DNAH8: variants seen among roughly 807,000 people sequenced by gnomAD.
The protein encoded by DNAH8 is dynein axonemal heavy chain 8, also known as axonemal beta dynein heavy chain 8.
Under a neutral mutation model 562.1 loss-of-function variants are expected in DNAH8, and 382 were observed. The ratio of observed to expected loss-of-function variants is 0.68; its 90% CI spans 0.63 to 0.74. DNAH8 has a LOEUF of 0.74. Among genes scored for constraint, DNAH8 ranks in the 30% least tolerant of loss-of-function variants. DNAH8 has a pLI of 0.00. For synonymous variants in DNAH8, 1,881 were observed against 1,919.4 expected (o/e 0.98, Z 0.52); for missense variants, 5,203 against 5,620.4 (o/e 0.93, Z 2.37).
rs751941460 is a variant in DNAH8, at chr6:38,923,119, A to G, written c.10724A>G (p.Asp3575Gly). 1.9e-6 allele frequency: 3 copies of G among 1,613,804 alleles called. No individual in the cohort carries two copies. Among genetic ancestry groups the G allele is most frequent in the Non-Finnish European group, 1.7e-6 (2 of 1,179,812 alleles). Residue 3575 changes from aspartate to glycine, a missense_variant, in exon 72 of 93, where the codon GAT (aspartate) becomes GGT (glycine). By Grantham distance (94) the Asp-to-Gly change is moderately conservative. This residue lies in a region of DNAH8 where 1,399 missense variants were observed against 1,518.4 expected (regional missense o/e 0.92). Transcript: ENST00000327475. Reference protein sequence around the residue: ...KKMQAASTLIDGLSGEKIRWT... With the variant: ...KKMQAASTLIGGLSGEKIRWT... ...ATGCAGGCCGCCTCCACTCTCATCGATGGGCTGAGTGGAGAAAAAATCCGG... is the reference window on the plus strand; with the variant it reads ...ATGCAGGCCGCCTCCACTCTCATCGGTGGGCTGAGTGGAGAAAAAATCCGG...
chr6:38,938,443 A>T (rs1783149341), intron 78 of DNAH8, among the ~76,000 whole-genome samples: 1 of 152,212 alleles, frequency 6.6e-6, no homozygotes, highest in South Asian at 2.1e-4. Context: ...CTTTGCAGAA[A>T]CATGGATGAA....
At chr6:39,007,069 T>C (rs944382703) in intron 88 of DNAH8, among the ~76,000 whole-genome samples, 1 of 152,194 alleles carries the variant, frequency 6.6e-6, no homozygotes, top group East Asian at 1.9e-4. Flanking sequence ...ATTCATTTTA[T>C]TTGACCCTGA....
At chr6:38,789,056 T>C (rs1769451420) in intron 18 of DNAH8, among the ~76,000 whole-genome samples, 2 of 152,224 alleles carry the variant, frequency 1.3e-5, no homozygotes, top group South Asian at 4.1e-4. Context: ...TGTACTGTTA[T>C]AAATCGAAGC....
rs193157921 is a variant in DNAH8 at position 38,978,561 on chromosome 6, A to G, written c.12835-3785A>G. 7.8e-4 allele frequency among the ~76,000 whole-genome samples: 118 copies of G among 152,188 alleles called. 1 individual carries two copies. Among genetic ancestry groups the G allele is most frequent in the African/African-American group, 2.7e-3 (113 of 41,508 alleles). On this transcript the variant is annotated intron_variant, in intron 85 of 92. Coordinates refer to ENST00000327475, the MANE Select transcript of DNAH8 (RefSeq NM_001206927.2). ...GAGGTTCTGGCTGCTTCTGTCAACTATTTTTACCTAGTAAAGTTTCCCTTA... is the reference window on the plus strand; with the variant it reads ...GAGGTTCTGGCTGCTTCTGTCAACTGTTTTTACCTAGTAAAGTTTCCCTTA...
At chr6:38,727,525 A>G (rs1452137233) in intron 3 of DNAH8, among the ~76,000 whole-genome samples, 2 of 152,154 alleles carry the variant, frequency 1.3e-5, no homozygotes, top group Non-Finnish European at 2.9e-5. Context: ...GGCCCTAGTC[A>G]TTCTATTTCC....
intron 20 of DNAH8, 131 bp from the exon 21 acceptor site, chr6:38,791,424 A>C: frequency 1.8e-6 from 2 of 1,140,376 alleles, no homozygotes; most frequent in Non-Finnish European, 2.4e-6. Flanking sequence ...TCACCAAATT[A>C]TGCTTGGCTC....
chr6:38,986,088 C>T (rs1053429160), intron 87 of DNAH8, among the ~76,000 whole-genome samples: 2 of 152,170 alleles, frequency 1.3e-5, no homozygotes, highest in Non-Finnish European at 2.9e-5. Flanking sequence ...GTGTGTGATA[C>T]GACTACCTTC....
chr6:38,726,279 G>A (rs1294992034), intron 3 of DNAH8, among the ~76,000 whole-genome samples: 2 of 152,214 alleles, frequency 1.3e-5, no homozygotes, highest in Non-Finnish European at 2.9e-5. Flanking sequence ...TTCATGAAAG[G>A]GTAACTGCTA....
chr6:38,736,773 G>C (rs1001792324), intron 5 of DNAH8, among the ~76,000 whole-genome samples: 12 of 151,930 alleles, frequency 7.9e-5, no homozygotes, highest in African/African-American at 2.9e-4. Context: ...ACGCAGGTTT[G>C]GTTCCACGTC....
chr6:38,955,331 C>A (rs1762172722), intron 82 of DNAH8, among the ~76,000 whole-genome samples: 1 of 150,778 alleles, frequency 6.6e-6, no homozygotes, highest in Non-Finnish European at 1.5e-5. Context: ...ATAGTAACTG[C>A]ATAAAAGAAA....
intron 79 of DNAH8, among the ~76,000 whole-genome samples, chr6:38,939,784 T>C (rs904222567): frequency 2.6e-5 from 4 of 152,234 alleles, no homozygotes; most frequent in African/African-American, 9.6e-5. Flanking sequence ...TTTTTGGCTC[T>C]TTATGTATGA....
chr6:38,731,101 A>C (rs1212494948), intron 4 of DNAH8, among the ~76,000 whole-genome samples: 1 of 152,206 alleles, frequency 6.6e-6, no homozygotes, highest in African/African-American at 2.4e-5. Flanking sequence ...GTAAACTCGC[A>C]AATAGTGACT....
chr6:39,029,362 A>G (rs1179124679), intron 92 of DNAH8, among the ~76,000 whole-genome samples: 1 of 152,152 alleles, frequency 6.6e-6, no homozygotes, highest in East Asian at 1.9e-4. Context: ...TGAGCACTCC[A>G]GCCACAGGGA....
At chr6:39,020,507 A>ATTTTC (rs535376648) in intron 91 of DNAH8, among the ~76,000 whole-genome samples, 5 of 151,960 alleles carry the variant, frequency 3.3e-5, no homozygotes, top group East Asian at 3.9e-4. Flanking sequence ...CATACAATCA[A>ATTTTC]TTTTCTTTTC....
chr6:38,734,657 T>G, intron 5 of DNAH8, 32 bp downstream of exon 5: 1 of 1,601,444 alleles, frequency 6.2e-7, no homozygotes, highest in Non-Finnish European at 8.5e-7. Context: ...AATACATAGT[T>G]AAACATTGAA....
chr6:38,897,446 TA>T (rs1348148812), intron 60 of DNAH8, among the ~76,000 whole-genome samples: 3 of 152,146 alleles, frequency 2.0e-5, no homozygotes, highest in Middle Eastern at 6.3e-3. Context: ...AAATATAACA[TA>T]AAAGTATTTC....
At chr6:38,915,432 C>A in intron 68 of DNAH8, 55 bp downstream of exon 68, 1 of 1,310,200 alleles carries the variant, frequency 7.6e-7, no homozygotes, top group South Asian at 2.2e-5. Flanking sequence ...CTTCATGTTT[C>A]ATTACATGAA....
intron 9 of DNAH8, among the ~76,000 whole-genome samples, chr6:38,755,448 G>A (rs892584110): frequency 3.3e-5 from 5 of 152,094 alleles, no homozygotes; most frequent in African/African-American, 9.7e-5. Flanking sequence ...CTCATGAATA[G>A]GTTTGGATTT....
Position 38,949,552 on chromosome 6 carries a change from A to G in DNAH8, c.12230A>G (p.His4077Arg), listed in dbSNP as rs773467761. 1.2e-6 allele frequency: 2 copies of G among 1,600,420 alleles called. No individual in the cohort carries two copies. Among genetic ancestry groups the G allele is most frequent in the South Asian group, 1.1e-5 (1 of 90,832 alleles). Residue 4077 changes from histidine (H) to arginine (R), a missense_variant, in exon 81 of 93, where the codon CAT becomes CGT. Coordinates refer to ENST00000327475, the MANE Select transcript of DNAH8 (RefSeq NM_001206927.2). ...DGYNDSLDTC[H>R]KLLLIRSWCP... ...TATAATGATTCACTAGATACCTGCC[A>G]TAAACTTTTACTTATCAGGTGAGAA...
Sources: gnomAD v4.1 joint callset for allele counts (sites outside exome capture counted in the v4.1 genomes callset) on GRCh38, gnomAD v4.1.1 for gene constraint, gnomAD v4.1.1 regional missense constraint, MANE v1.5 for transcripts, NCBI Gene and HGNC (gene_info 2026-07-23, HGNC 2026-07-21) for gene names.